The following FAM227B variants were observed in gnomAD, a reference collection of about 807,000 sequenced individuals.
FAM227B encodes family with sequence similarity 227 member B, also known as protein FAM227B.
In FAM227B, 88 loss-of-function variants were observed where a neutral mutation model predicts 73.8. That is an observed-to-expected ratio of 1.19 (90% CI 1.00 to 1.42). The LOEUF is 1.42. Ranked by LOEUF, FAM227B falls within the 40% of genes most tolerant of loss-of-function variation. FAM227B has a pLI of 0.00. For missense variants in FAM227B, 632 were observed against 590.9 expected (o/e 1.07, Z -0.72); for synonymous variants, 210 against 190.5 (o/e 1.10, Z -0.84).
chr15:49,451,484 T>G (rs1323112752), intron 11 of FAM227B, among the ~76,000 whole-genome samples: 2 of 152,116 alleles, frequency 1.3e-5, no homozygotes, highest in African/African-American at 2.4e-5. Flanking sequence ...TATGTATATA[T>G]AGATTATAAC....
chr15:49,587,841 C>T (rs2076261235), intron 5 of FAM227B, among the ~76,000 whole-genome samples, 175 bp downstream of exon 5: 1 of 151,818 alleles, frequency 6.6e-6, no homozygotes, highest in Non-Finnish European at 1.5e-5. Flanking sequence ...CTCAGTAATA[C>T]TGAGTATGAA....
At chr15:49,602,920 T>C (rs2077295487) in intron 3 of FAM227B, among the ~76,000 whole-genome samples, 3 of 152,222 alleles carry the variant, frequency 2.0e-5, no homozygotes, top group African/African-American at 7.2e-5. Context: ...ATTCAATGTA[T>C]GTACTTAGCA....
intron 3 of FAM227B, among the ~76,000 whole-genome samples, chr15:49,607,578 T>C (rs1301244868): frequency 1.3e-5 from 2 of 152,214 alleles, no homozygotes; most frequent in Non-Finnish European, 2.9e-5. Flanking sequence ...CAAATCTTTA[T>C]GAAAATGTCT....
chr15:49,545,989 G>T (rs2071800561), intron 9 of FAM227B, among the ~76,000 whole-genome samples: 1 of 149,574 alleles, frequency 6.7e-6, no homozygotes, highest in Non-Finnish European at 1.5e-5. Flanking sequence ...TTAAGTTTTA[G>T]GGTACATGTG....
At chr15:49,357,076 T>C (rs1322605422) in intron 13 of FAM227B, among the ~76,000 whole-genome samples, 1 of 150,864 alleles carries the variant, frequency 6.6e-6, no homozygotes, top group South Asian at 2.1e-4. Context: ...CTGGGATGCA[T>C]TCAAAGCAGT....
rs538052846 is a variant in FAM227B at position 49,574,213 on chromosome 15, A to G, written c.645+798T>C. Among the ~76,000 whole-genome samples, 86 of 152,210 alleles carry G rather than the reference A, an allele frequency of 5.7e-4. No individual in the cohort carries two copies. In the South Asian group the frequency reaches 9.9e-3, roughly 18 times the overall value. On this transcript the variant is annotated intron_variant, in intron 8 of 15. Transcript: ENST00000299338. ...TTTTTTAAACATTAAGGGTATTATA[A>G]TATTATTACTGAAATTCTTCCAGTA...
intron 11 of FAM227B, among the ~76,000 whole-genome samples, chr15:49,434,997 G>A (rs990246940): frequency 2.0e-5 from 3 of 151,306 alleles, no homozygotes; most frequent in Non-Finnish European, 4.4e-5. Flanking sequence ...ATGATAAACA[G>A]TATGTTGTGT....
intron 9 of FAM227B, among the ~76,000 whole-genome samples, chr15:49,559,343 C>T (rs1484723291): frequency 6.6e-6 from 1 of 152,062 alleles, no homozygotes; most frequent in African/African-American, 2.4e-5. Context: ...TCTCTCCAAC[C>T]CCACAGAACA....
At chr15:49,359,939 T>G (rs1436853392) in intron 13 of FAM227B, among the ~76,000 whole-genome samples, 20 of 150,354 alleles carry the variant, frequency 1.3e-4, no homozygotes, top group East Asian at 5.9e-4. Flanking sequence ...GTCCTTTGTA[T>G]GGACATGGAT....
intron 11 of FAM227B, among the ~76,000 whole-genome samples, chr15:49,491,291 C>T (rs944789639): frequency 6.6e-6 from 1 of 151,782 alleles, no homozygotes; most frequent in Admixed American, 6.6e-5. Flanking sequence ...TTTAATCTTC[C>T]TATAATACTA....
chr15:49,555,889 T>C (rs1386564079), intron 9 of FAM227B, among the ~76,000 whole-genome samples: 4 of 152,230 alleles, frequency 2.6e-5, no homozygotes, highest in Non-Finnish European at 5.9e-5. Flanking sequence ...TTTTCAGCTG[T>C]ATCAGTGCTT....
chr15:49,410,211 G>A (rs567881318), intron 11 of FAM227B, among the ~76,000 whole-genome samples: 19 of 152,234 alleles, frequency 1.2e-4, no homozygotes, highest in South Asian at 8.3e-4. Context: ...CTTGTAACAT[G>A]TGATGGACTC....
At chr15:49,336,556 C>G (rs926815514) in intron 13 of FAM227B, among the ~76,000 whole-genome samples, 1 of 152,208 alleles carries the variant, frequency 6.6e-6, no homozygotes, top group Admixed American at 6.5e-5. Flanking sequence ...TTACCTTTCT[C>G]TGAATATAGT....
intron 14 of FAM227B, among the ~76,000 whole-genome samples, chr15:49,332,378 G>T (rs1332757173): frequency 2.0e-5 from 3 of 152,212 alleles, no homozygotes; most frequent in African/African-American, 7.2e-5. Flanking sequence ...GATGGAAAAG[G>T]CCAGTGGGTG....
intron 13 of FAM227B, chr15:49,365,345 C>G (rs2044954340): frequency 6.5e-7 from 1 of 1,547,356 alleles, no homozygotes. Flanking sequence ...AAGTATCATG[C>G]CAATAGCATA....
intron 3 of FAM227B, among the ~76,000 whole-genome samples, chr15:49,608,105 T>C (rs1380672662): frequency 1.3e-5 from 2 of 152,198 alleles, no homozygotes; most frequent in African/African-American, 2.4e-5. Flanking sequence ...ATGGTGATTA[T>C]ATTAATTAAA....
At chr15:49,617,911 C>A (rs971035634) in intron 1 of FAM227B, among the ~76,000 whole-genome samples, 1 of 152,056 alleles carries the variant, frequency 6.6e-6, no homozygotes, top group African/African-American at 2.4e-5. Context: ...CCCAGAAGAT[C>A]TTTTTGTGAG....
At chr15:49,570,368 T>G (rs1222248884) in intron 8 of FAM227B, among the ~76,000 whole-genome samples, 1 of 151,914 alleles carries the variant, frequency 6.6e-6, no homozygotes, top group Non-Finnish European at 1.5e-5. Flanking sequence ...TGACATCCCA[T>G]GGTGGTTTTG....
chr15:49,553,802 C>T (rs1246122286), intron 9 of FAM227B, among the ~76,000 whole-genome samples: 1 of 152,162 alleles, frequency 6.6e-6, no homozygotes, highest in African/African-American at 2.4e-5. Flanking sequence ...GAAGTGGGCT[C>T]CTCTCTGGCC....
Sources: gnomAD v4.1 joint callset for allele counts (sites outside exome capture counted in the v4.1 genomes callset) on GRCh38, gnomAD v4.1.1 for gene constraint, MANE v1.5 for transcripts, NCBI Gene and HGNC (gene_info 2026-07-23, HGNC 2026-07-21) for gene names.